The following RBFOX1 variants were observed in gnomAD, a reference collection of about 807,000 sequenced individuals.
RBFOX1 encodes the protein RNA binding protein fox-1 homolog 1.
In RBFOX1, 8 loss-of-function variants were observed where a neutral mutation model predicts 57.7. The ratio of observed to expected loss-of-function variants is 0.14; its 90% CI spans 0.08 to 0.25. The LOEUF is 0.25. Ranked by LOEUF, RBFOX1 falls within the 10% of genes least tolerant of loss-of-function variation. The pLI is 1.00. For missense variants in RBFOX1, 611 were observed against 548.5 expected (o/e 1.11, Z -1.14); for synonymous variants, 326 against 222.4 (o/e 1.47, Z -4.15).
At chr16:6,983,540 C>T (rs2089505168) in intron 3 of RBFOX1, 1 of 151,926 alleles carries the variant, frequency 6.6e-6, no homozygotes. Flanking sequence ...ATTGCACTCA[C>T]TCCCCAGGGG....
At chr16:7,608,402 C>G (rs879815408) in intron 10 of RBFOX1, among the ~76,000 whole-genome samples, 1 of 152,190 alleles carries the variant, frequency 6.6e-6, no homozygotes, top group South Asian at 2.1e-4. Flanking sequence ...ATAACTGATT[C>G]CTGGATTTTA....
At chr16:7,669,118 G>C (rs2070488734) in intron 13 of RBFOX1, among the ~76,000 whole-genome samples, 3 of 152,142 alleles carry the variant, frequency 2.0e-5, no homozygotes. Flanking sequence ...TGGCCAGGCT[G>C]GTCTCAAACT....
intron 1 of RBFOX1, among the ~76,000 whole-genome samples, chr16:5,323,740 A>G (rs780428708): frequency 2.0e-5 from 3 of 152,240 alleles, no homozygotes; most frequent in Non-Finnish European, 2.9e-5. Flanking sequence ...CATCTTCAAC[A>G]AAACCGATTC....
chr16:6,098,957 T>G (rs2096275470), intron 1 of RBFOX1, among the ~76,000 whole-genome samples: 2 of 152,224 alleles, frequency 1.3e-5, no homozygotes, highest in African/African-American at 2.4e-5. Flanking sequence ...GTAAGCCACC[T>G]TCTGTAGTTC....
At chr16:6,345,819 AC>A (rs746114922) in intron 2 of RBFOX1, among the ~76,000 whole-genome samples, 2 of 152,216 alleles carry the variant, frequency 1.3e-5, no homozygotes, top group Non-Finnish European at 2.9e-5. Context: ...GGTCCTGACG[AC>A]ATGTGCGCAA....
chr16:7,174,175 C>T (rs1383899339), intron 4 of RBFOX1, among the ~76,000 whole-genome samples: 2 of 147,166 alleles, frequency 1.4e-5, no homozygotes, highest in African/African-American at 2.6e-5. Context: ...AAAGTTTATC[C>T]ATGATAAACT....
chr16:7,528,636 T>C (rs781415779), intron 5 of RBFOX1, among the ~76,000 whole-genome samples: 2 of 152,160 alleles, frequency 1.3e-5, no homozygotes, highest in East Asian at 3.9e-4. Flanking sequence ...TACTGCCTCC[T>C]GAGTAGCTGG....
At chr16:6,277,152 A>C (rs1254436407) in intron 1 of RBFOX1, among the ~76,000 whole-genome samples, 4 of 152,220 alleles carry the variant, frequency 2.6e-5, no homozygotes, top group Non-Finnish European at 5.9e-5. Flanking sequence ...ATGACTTATA[A>C]ATTGCATTAT....
intron 3 of RBFOX1, among the ~76,000 whole-genome samples, chr16:6,743,406 A>T (rs2072774316): frequency 6.6e-6 from 1 of 152,192 alleles, no homozygotes; most frequent in South Asian, 2.1e-4. Context: ...AGATCAAATT[A>T]TAGGCTGTGT....
chr16:7,221,367 T>TTATTTA (rs2092717548), intron 4 of RBFOX1, among the ~76,000 whole-genome samples: 2 of 109,614 alleles, frequency 1.8e-5, no homozygotes, highest in East Asian at 4.5e-4. Context: ...TTATTTATTT[T>TTATTTA]TTTATTTATT....
At chr16:6,237,285 A>T (rs557419615) in intron 1 of RBFOX1, among the ~76,000 whole-genome samples, 3 of 152,318 alleles carry the variant, frequency 2.0e-5, no homozygotes, top group Admixed American at 2.0e-4. Flanking sequence ...CAATGTTAGA[A>T]GGTGGAAGTA....
chr16:6,213,869 G>GGGT (rs1303735930), intron 1 of RBFOX1, among the ~76,000 whole-genome samples: 1 of 152,146 alleles, frequency 6.6e-6, no homozygotes, highest in Non-Finnish European at 1.5e-5. Flanking sequence ...GGAGGGGATG[G>GGGT]GGTCAGGGGA....
chr16:6,516,311 T>G (rs1453051025), intron 2 of RBFOX1, among the ~76,000 whole-genome samples: 2 of 152,228 alleles, frequency 1.3e-5, no homozygotes, highest in African/African-American at 4.8e-5. Context: ...CTATGAAATG[T>G]GTGAGTTTAG....
At chr16:6,014,239 TATC>T (rs78650858), upstream of RBFOX1, among the ~76,000 whole-genome samples, 21,113 of 152,246 alleles carry the variant, frequency 0.14, 1,782 homozygotes, top group East Asian at 0.3. Context: ...CTGTTTTTGT[TATC>T]ATCATGACCA....
At chr16:7,675,778 G>C (rs1238560637) in intron 13 of RBFOX1, among the ~76,000 whole-genome samples, 3 of 152,134 alleles carry the variant, frequency 2.0e-5, no homozygotes, top group Non-Finnish European at 2.9e-5. Flanking sequence ...TGATGGTGAG[G>C]ACACTTACCT....
chr16:7,120,459 TACAA>T (rs2066865828), intron 4 of RBFOX1, among the ~76,000 whole-genome samples: 1 of 151,902 alleles, frequency 6.6e-6, no homozygotes, highest in African/African-American at 2.4e-5. Flanking sequence ...TGACAAAAAT[TACAA>T]ACATCACATA....
chr16:6,111,200 A>G (rs1390299442), intron 1 of RBFOX1, among the ~76,000 whole-genome samples: 2 of 152,200 alleles, frequency 1.3e-5, no homozygotes, highest in East Asian at 3.9e-4. Flanking sequence ...TACGCCACAT[A>G]CACTGACTTG....
At position 5,946,933 on chromosome 16, in the gene RBFOX1, C is replaced by T. The variant is rs1411651471; in HGVS notation, c.351+79598C>T. 1.3e-5 allele frequency among the ~76,000 whole-genome samples: 2 copies of T among 152,124 alleles called. No homozygotes were observed. The highest frequency in any genetic ancestry group is 6.6e-5 in the Admixed American group (1 of 15,266). On this transcript the variant is annotated intron_variant, in intron 4 of 19. Transcript: ENST00000641259. The surrounding 1 kb of genome is among the most constrained non-coding windows in gnomAD (Gnocchi z 4.6). ...AGAGTTTTCTCTGTTAGAAGAAAGG[C>T]CAGAGCAGTGGCTCACAGCCGTAAT... is the stretch of plus-strand genomic sequence containing the variant.
intron 2 of RBFOX1, among the ~76,000 whole-genome samples, chr16:6,356,996 C>T (rs1375277674): frequency 6.6e-6 from 1 of 152,138 alleles, no homozygotes; most frequent in East Asian, 1.9e-4. Context: ...TCCCCCTTCC[C>T]CGTGCCCTGG....
Sources: allele counts gnomAD v4.1 joint callset (sites outside exome capture counted in the v4.1 genomes callset), GRCh38; gene constraint gnomAD v4.1.1; non-coding constraint Gnocchi (gnomAD v3.1); transcripts MANE v1.5; gene names NCBI Gene and HGNC (gene_info 2026-07-23, HGNC 2026-07-21).